GLMN: variants seen among roughly 807,000 people sequenced by gnomAD.
The protein encoded by GLMN is glomulin.
Under a neutral mutation model 87.8 loss-of-function variants are expected in GLMN, and 75 were observed. The observed-to-expected ratio is 0.85, with a 90% confidence interval of 0.71 to 1.04. The LOEUF (loss-of-function observed/expected upper bound fraction) is 1.04, where lower values mean the gene tolerates loss of function less well. Ranked by LOEUF, GLMN falls within the 50% of genes least tolerant of loss-of-function variation. The pLI is 0.00. For synonymous variants in GLMN, 206 were observed against 221.6 expected, an observed-to-expected ratio of 0.93 and a Z score of 0.63; for missense variants, 588 against 658.8, an observed-to-expected ratio of 0.89 and a Z score of 1.18.
the GLMN span, among the ~76,000 whole-genome samples, chr1:92,315,297 G>A: frequency 6.6e-6 from 1 of 152,164 alleles, no homozygotes; most frequent in Non-Finnish European, 1.5e-5. Flanking sequence ...TATCAATTAA[G>A]TTTGACATTT....
In GLMN at chr1:92,290,257, T is replaced by C. The variant is rs1421489990; in HGVS notation, c.335A>G (p.Glu112Gly). 4.3e-6 allele frequency: 7 copies of C among 1,610,758 alleles called. No individual in the cohort carries two copies. Among genetic ancestry groups the C allele is most frequent in the Non-Finnish European group, 5.9e-6 (7 of 1,177,276 alleles). ...LLLGLLELIE[E>G]PSGKQISQSI... is the part of the protein sequence containing the mutation. Reference sequence around the variant, plus strand: ...TTGGGATATCTGTTTTCCAGAGGGCTCTTCAATCAGTTCAAGCAAACCCAA... The same window carrying C: ...TTGGGATATCTGTTTTCCAGAGGGCCCTTCAATCAGTTCAAGCAAACCCAA... The change falls in exon 5 of 19, where the codon GAG (glutamate) becomes GGG (glycine). Residue 112 changes from glutamate to glycine, a missense_variant. By Grantham distance (98) the Glu-to-Gly change is moderately conservative. Coordinates refer to ENST00000370360, the MANE Select transcript of GLMN (RefSeq NM_053274.3).
At chr1:92,356,523 A>G in the GLMN span, among the ~76,000 whole-genome samples, 2 of 150,154 alleles carry the variant, frequency 1.3e-5, no homozygotes, top group African/African-American at 4.9e-5. Context: ...GGTTCAAGCA[A>G]TCCTCCTGCC....
At chr1:92,287,290 C>T (rs1465685606) in intron 6 of GLMN, among the ~76,000 whole-genome samples, 4 of 152,136 alleles carry the variant, frequency 2.6e-5, no homozygotes, top group South Asian at 2.1e-4. Flanking sequence ...TAAGCCTTTC[C>T]TATTTCTTTA....
chr1:92,327,360 T>C, the GLMN span, among the ~76,000 whole-genome samples: 1 of 152,222 alleles, frequency 6.6e-6, no homozygotes, highest in Non-Finnish European at 1.5e-5. Context: ...TGCATATTTA[T>C]TTAGGATTGT....
chr1:92,315,559 G>A, the GLMN span, among the ~76,000 whole-genome samples: 1 of 152,182 alleles, frequency 6.6e-6, no homozygotes, highest in Non-Finnish European at 1.5e-5. Flanking sequence ...AGGTATGCTT[G>A]TGTAAATTTA....
the GLMN span, among the ~76,000 whole-genome samples, chr1:92,321,476 A>ATT: frequency 2.0e-5 from 3 of 151,338 alleles, no homozygotes; most frequent in African/African-American, 7.3e-5. Context: ...ATATATATAT[A>ATT]TTTTTTTCTT....
At chr1:92,247,350 T>G (rs1266777330) in intron 17 of GLMN, among the ~76,000 whole-genome samples, 1 of 152,212 alleles carries the variant, frequency 6.6e-6, no homozygotes, top group Non-Finnish European at 1.5e-5. Context: ...AATGCTTCTT[T>G]AGATAAATAG....
chr1:92,252,953 A>G (rs1653723257), intron 16 of GLMN, among the ~76,000 whole-genome samples: 1 of 152,216 alleles, frequency 6.6e-6, no homozygotes, highest in Non-Finnish European at 1.5e-5. Context: ...GCAGTTCTAC[A>G]CTACAATGAA....
the GLMN span, among the ~76,000 whole-genome samples, chr1:92,330,087 GA>G: frequency 6.6e-6 from 1 of 152,154 alleles, no homozygotes; most frequent in African/African-American, 2.4e-5. Flanking sequence ...GACCAAGTGG[GA>G]ATGACTCTTC....
At chr1:92,297,886 C>G in intron 2 of GLMN, 75 bp downstream of exon 2, 1 of 820,242 alleles carries the variant, frequency 1.2e-6, no homozygotes, top group Non-Finnish European at 2.1e-6. Flanking sequence ...TGAGTGACCA[C>G]AAATATAATT....
chr1:92,264,935 G>T (rs893142757), intron 13 of GLMN, among the ~76,000 whole-genome samples: 1 of 152,164 alleles, frequency 6.6e-6, no homozygotes, highest in African/African-American at 2.4e-5. Context: ...TCCGCCTCCC[G>T]GGTTCAAGCG....
At chr1:92,286,233 T>C (rs1371632238) in intron 7 of GLMN, among the ~76,000 whole-genome samples, 17 of 150,444 alleles carry the variant, frequency 1.1e-4, no homozygotes, top group Non-Finnish European at 2.1e-4. Context: ...CAAGATTATA[T>C]ATATATATAA....
At chr1:92,290,612 C>T (rs1224266602) in intron 4 of GLMN, among the ~76,000 whole-genome samples, 1 of 152,188 alleles carries the variant, frequency 6.6e-6, no homozygotes, top group Non-Finnish European at 1.5e-5. Flanking sequence ...CAGGTGGGAC[C>T]TTTCAATCCC....
chr1:92,301,353 A>C (rs1053161523), upstream of GLMN: 1 of 398,086 alleles, frequency 2.5e-6, no homozygotes, highest in South Asian at 5.3e-5. Flanking sequence ...TTATTCAAAA[A>C]ATTTTTTAAA....
chr1:92,340,292 C>T, the GLMN span, among the ~76,000 whole-genome samples: 1 of 152,188 alleles, frequency 6.6e-6, no homozygotes, highest in South Asian at 2.1e-4. Flanking sequence ...TCTGATAAGA[C>T]AGCTGATTTG....
At chr1:92,307,148 C>A in the GLMN span, 1 of 1,393,620 alleles carries the variant, frequency 7.2e-7, no homozygotes, top group South Asian at 1.2e-5. Context: ...GGTAATGTTT[C>A]ATGATAAGAA....
chr1:92,263,063 A>T (rs184289522), intron 15 of GLMN, 137 bp from the exon 16 acceptor site: 1 of 518,142 alleles, frequency 1.9e-6, no homozygotes, highest in African/African-American at 1.9e-5. Flanking sequence ...CTTTTTGAGT[A>T]GTAATAACTT....
rs527699482 is a variant in GLMN, at chr1:92,246,956, G to A, written c.1668+106C>T. ...GTGGATCACTTGAGCCCAGGGAGTTGAAGCTGCAGTGAGCCACAATCATGC... is the reference window on the plus strand; with the variant it reads ...GTGGATCACTTGAGCCCAGGGAGTTAAAGCTGCAGTGAGCCACAATCATGC... On this transcript the variant is annotated intron_variant, in intron 18 of 18. Transcript: ENST00000370360. 84 of 763,910 alleles carry A rather than the reference G, an allele frequency of 1.1e-4. No individual in the cohort carries two copies. In the African/African-American group the frequency reaches 1.3e-3, roughly 12 times the overall value. The allele number at this position is 763,910 out of a possible 1,614,324, so 47.3% of individuals were successfully genotyped here.
At chr1:92,310,955 A>G in the GLMN span, among the ~76,000 whole-genome samples, 2 of 152,336 alleles carry the variant, frequency 1.3e-5, no homozygotes, top group South Asian at 4.1e-4. Flanking sequence ...CAAACTTTCG[A>G]CCACTATAAT....
Sources: allele counts gnomAD v4.1 joint callset (sites outside exome capture counted in the v4.1 genomes callset), GRCh38; gene constraint gnomAD v4.1.1; transcripts MANE v1.5; gene names NCBI Gene and HGNC (gene_info 2026-07-23, HGNC 2026-07-21).